TRPC1: variants seen among roughly 807,000 people sequenced by gnomAD.
TRPC1 encodes short transient receptor potential channel 1.
In TRPC1, 42 loss-of-function variants were observed where a neutral mutation model predicts 88.2. That is an observed-to-expected ratio of 0.48 (90% CI 0.37 to 0.62). The LOEUF is 0.62. Among genes scored for constraint, TRPC1 ranks in the 20% least tolerant of loss-of-function variants. TRPC1 has a pLI of 0.00. For synonymous variants in TRPC1, 288 were observed against 331.8 expected (o/e 0.87, Z 1.43); for missense variants, 699 against 957.3 (o/e 0.73, Z 3.56).
At chr3:142,785,065 GT>G in intron 7 of TRPC1, 25 bp downstream of exon 7, 1 of 1,535,626 alleles carries the variant, frequency 6.5e-7, no homozygotes, top group Non-Finnish European at 8.7e-7. Flanking sequence ...AGTTTGAAAG[GT>G]TTTGTCTTTA....
chr3:142,742,474 G>T (rs1934388628), intron 2 of TRPC1, among the ~76,000 whole-genome samples: 1 of 152,060 alleles, frequency 6.6e-6, no homozygotes, highest in Non-Finnish European at 1.5e-5. Flanking sequence ...CCTATTTTTA[G>T]ATATTCAGGT....
At position 142,806,299 on chromosome 3, in the gene TRPC1, C is replaced by CTT. The variant is rs1936792860; in HGVS notation, c.*65_*66dup. The CTT allele has an allele frequency of 8.0e-7, 1 of 1,242,436 alleles. No homozygotes were observed. Among genetic ancestry groups the CTT allele is most frequent in the African/African-American group, 1.5e-5 (1 of 65,968 alleles). The allele number at this position is 1,242,436 out of a possible 1,614,324, so 77.0% of individuals were successfully genotyped here. ...AGATCCAAAAGACTATATTGCATAA[C>CTT]TTGCAATGAAATTAATGAGATATAT... On this transcript the variant is annotated 3_prime_UTR_variant, in exon 13 of 13. Coordinates refer to ENST00000476941, the MANE Select transcript of TRPC1 (RefSeq NM_001251845.2).
Position 142,732,782 on chromosome 3 carries a change from A to G in TRPC1, c.173-3597A>G, listed in dbSNP as rs145236872. ...CCTTCTATGTGTTATATTTTAAAAGACAAAAGATGTAACTCTTGAAAGCAA... is the reference window on the plus strand; with the variant it reads ...CCTTCTATGTGTTATATTTTAAAAGGCAAAAGATGTAACTCTTGAAAGCAA... On this transcript the variant is annotated intron_variant, in intron 1 of 12. Transcript: ENST00000476941. 5.4e-4 allele frequency among the ~76,000 whole-genome samples: 82 copies of G among 152,364 alleles called. 1 individual carries two copies. In the East Asian group the frequency reaches 9.4e-3, roughly 18 times the overall value.
intron 2 of TRPC1, among the ~76,000 whole-genome samples, chr3:142,740,521 G>T (rs945465125): frequency 3.3e-5 from 5 of 152,138 alleles, no homozygotes; most frequent in Non-Finnish European, 5.9e-5. Flanking sequence ...GCAAAGGGCT[G>T]GTGCAGATTC....
intron 4 of TRPC1, among the ~76,000 whole-genome samples, chr3:142,759,723 C>T (rs986238444): frequency 5.3e-5 from 8 of 152,042 alleles, no homozygotes; most frequent in Admixed American, 2.0e-4. Flanking sequence ...CTTTTGTTGC[C>T]GTTGCTTTTG....
At chr3:142,774,753 A>C (rs1483713451) in intron 4 of TRPC1, among the ~76,000 whole-genome samples, 1 of 151,894 alleles carries the variant, frequency 6.6e-6, no homozygotes, top group Non-Finnish European at 1.5e-5. Flanking sequence ...ACCTCTTCAT[A>C]CTGTTATTAT....
intron 1 of TRPC1, among the ~76,000 whole-genome samples, chr3:142,730,524 T>G (rs1933856632): frequency 6.6e-6 from 1 of 152,084 alleles, no homozygotes; most frequent in Non-Finnish European, 1.5e-5. Flanking sequence ...TGGTTATAAA[T>G]ACATTGGGGT....
chr3:142,756,323 A>G (rs1934959890), intron 4 of TRPC1, among the ~76,000 whole-genome samples: 1 of 151,468 alleles, frequency 6.6e-6, no homozygotes, highest in African/African-American at 2.4e-5. Context: ...AAGTGGTTGG[A>G]AACAGTTTAA....
intron 4 of TRPC1, among the ~76,000 whole-genome samples, chr3:142,775,521 A>C (rs1202485793): frequency 3.9e-5 from 6 of 152,194 alleles, no homozygotes; most frequent in Admixed American, 3.3e-4. Flanking sequence ...TAGGAGGCTG[A>C]GGCAGGAGCA....
intron 3 of TRPC1, among the ~76,000 whole-genome samples, chr3:142,746,131 G>T (rs904068338): frequency 6.6e-6 from 1 of 152,096 alleles, no homozygotes; most frequent in African/African-American, 2.4e-5. Context: ...ATATAAACTG[G>T]CTATAAGCAG....
At chr3:142,804,864 T>C (rs1428754788) in intron 12 of TRPC1, among the ~76,000 whole-genome samples, 2 of 152,112 alleles carry the variant, frequency 1.3e-5, no homozygotes, top group Non-Finnish European at 2.9e-5. Flanking sequence ...CCCAGCACTT[T>C]GGGAGGCTGA....
At chr3:142,733,192 C>T (rs988558194) in intron 1 of TRPC1, among the ~76,000 whole-genome samples, 1 of 152,022 alleles carries the variant, frequency 6.6e-6, no homozygotes, top group Non-Finnish European at 1.5e-5. Context: ...TCTTGTATAG[C>T]TCCTTGACTA....
chr3:142,799,021 C>T (rs1047065960), intron 9 of TRPC1, among the ~76,000 whole-genome samples: 28 of 152,200 alleles, frequency 1.8e-4, no homozygotes, highest in African/African-American at 6.3e-4. Context: ...ATATGATCCA[C>T]CTAACACCTC....
chr3:142,763,705 C>T (rs1417852423), intron 4 of TRPC1, among the ~76,000 whole-genome samples: 1 of 151,892 alleles, frequency 6.6e-6, no homozygotes, highest in African/African-American at 2.4e-5. Flanking sequence ...GGACTTACTG[C>T]AACCATTTTA....
At position 142,743,533 on chromosome 3, in the gene TRPC1, G is replaced by T; in HGVS notation, c.376G>T (p.Val126Phe). Residue 126 changes from valine (V) to phenylalanine (F), a missense_variant, in exon 3 of 13, where the codon GTT becomes TTT. By Grantham distance (50) the Val-to-Phe change is conservative (BLOSUM62 -1). Coordinates refer to ENST00000476941, the MANE Select transcript of TRPC1 (RefSeq NM_001251845.2). Reference protein sequence around the residue: ...VAIDSEVVGAVDILLNHRPKR... With the variant: ...VAIDSEVVGAFDILLNHRPKR... The stretch of plus-strand genomic sequence containing the variant: ...AATCGACTCTGAAGTAGTGGGAGCT[G>T]TTGATATACTACTTAATCATCGACC... 6.5e-7 allele frequency: 1 copy of T among 1,527,476 alleles called. No individual in the cohort carries two copies. Among genetic ancestry groups the T allele is most frequent in the East Asian group, 2.5e-5 (1 of 40,440 alleles). 94.6% of individuals were successfully genotyped at this position (1,527,476 alleles called of 1,614,324 possible). A position where few individuals can be genotyped will look rare whatever the true frequency, so the allele number is the denominator to read the frequency against.
chr3:142,802,074 GTGT>G, intron 9 of TRPC1, 92 bp from the exon 10 acceptor site: 1 of 820,952 alleles, frequency 1.2e-6, no homozygotes. Context: ...TGTGGATTAT[GTGT>G]TTGTCTTCTT....
intron 9 of TRPC1, among the ~76,000 whole-genome samples, chr3:142,800,908 G>A (rs1283596599): frequency 6.9e-6 from 1 of 145,828 alleles, no homozygotes; most frequent in Non-Finnish European, 1.5e-5. Context: ...GATAGAGACT[G>A]TCTTAAAAAG....
intron 9 of TRPC1, 65 bp from the exon 10 acceptor site, chr3:142,802,104 C>T: frequency 8.8e-7 from 1 of 1,139,252 alleles, no homozygotes; most frequent in South Asian, 2.3e-5. Context: ...GTTGCTGGGT[C>T]ATTTATATTT....
rs1316202859 is a variant in TRPC1, at chr3:142,776,935, TGAGA to T, written c.633-692_633-689del. Among the ~76,000 whole-genome samples, 1 of 151,942 alleles carries T rather than the reference TGAGA, an allele frequency of 6.6e-6. No homozygotes were observed. The highest frequency in any genetic ancestry group is 2.4e-5 in the African/African-American group (1 of 41,388). On this transcript the variant is annotated intron_variant, in intron 4 of 12. Transcript: ENST00000476941. The surrounding 1 kb of genome is among the most constrained non-coding windows in gnomAD (Gnocchi z 4.1). ...AAGAAAAAAAAAGTATTTTTATTAC[TGAGA>T]GAGAAAGAAAAGATTTATTAGTCAT...
Sources: allele counts gnomAD v4.1 joint callset (sites outside exome capture counted in the v4.1 genomes callset), GRCh38; gene constraint gnomAD v4.1.1; non-coding constraint Gnocchi (gnomAD v3.1); transcripts MANE v1.5; gene names NCBI Gene and HGNC (gene_info 2026-07-23, HGNC 2026-07-21).